CSMD1: variants seen among roughly 807,000 people sequenced by gnomAD.
CSMD1 encodes the protein CUB and sushi domain-containing protein 1.
Under a neutral mutation model 417.5 loss-of-function variants are expected in CSMD1, and 213 were observed. That is an observed-to-expected ratio of 0.51 (90% CI 0.46 to 0.57). The LOEUF is 0.57. CSMD1 is among the 20% of genes least tolerant of loss of function. The pLI is 0.00. For missense variants in CSMD1, 6,923 were observed against 4,529.7 expected (o/e 1.53, Z -15.17); for synonymous variants, 2,862 against 1,736.8 (o/e 1.65, Z -16.11).
At chr8:4,103,298 G>A (rs935558436) in intron 3 of CSMD1, among the ~76,000 whole-genome samples, 10 of 151,170 alleles carry the variant, frequency 6.6e-5, no homozygotes, top group Non-Finnish European at 2.9e-5. Flanking sequence ...TGACGTGTGT[G>A]TGCATATACA....
chr8:4,914,836 G>C (rs901491815), intron 1 of CSMD1, among the ~76,000 whole-genome samples: 2 of 152,142 alleles, frequency 1.3e-5, no homozygotes, highest in African/African-American at 2.4e-5. Flanking sequence ...GGACATCAGG[G>C]AGTTTCACCT....
At chr8:4,942,430 T>A (rs1354178193) in intron 1 of CSMD1, among the ~76,000 whole-genome samples, 1 of 152,218 alleles carries the variant, frequency 6.6e-6, no homozygotes. Context: ...GTTATCTACA[T>A]CATGCCCAAC....
At chr8:3,023,531 C>T (rs28683155) in intron 51 of CSMD1, among the ~76,000 whole-genome samples, 3,580 of 152,206 alleles carry the variant, frequency 0.024, 144 homozygotes, top group African/African-American at 0.083. Flanking sequence ...AAGGACAGGA[C>T]TGCAGAGCTC....
intron 42 of CSMD1, among the ~76,000 whole-genome samples, chr8:3,114,092 T>C (rs558837172): frequency 5.5e-4 from 83 of 151,564 alleles, no homozygotes; most frequent in Admixed American, 1.2e-3. Flanking sequence ...CAAAAAACAT[T>C]AATTATCCAT....
At chr8:3,764,309 G>A (rs751311976) in intron 5 of CSMD1, among the ~76,000 whole-genome samples, 10 of 152,238 alleles carry the variant, frequency 6.6e-5, no homozygotes, top group Non-Finnish European at 1.3e-4. Context: ...TGTGCTGTAG[G>A]GAAACTCTCC....
At chr8:3,715,431 TC>T (rs1361754694) in intron 6 of CSMD1, among the ~76,000 whole-genome samples, 18 of 152,142 alleles carry the variant, frequency 1.2e-4, no homozygotes, top group African/African-American at 3.4e-4. Context: ...CCGTCATTTT[TC>T]TCCTCTTCTG....
chr8:3,962,607 G>C (rs1490797507), intron 5 of CSMD1, among the ~76,000 whole-genome samples: 2 of 152,118 alleles, frequency 1.3e-5, no homozygotes, highest in Non-Finnish European at 2.9e-5. Flanking sequence ...GAAGAGGAAA[G>C]GAGAGGATCA....
chr8:3,372,714 C>G (rs1230726392), intron 18 of CSMD1, among the ~76,000 whole-genome samples: 1 of 152,040 alleles, frequency 6.6e-6, no homozygotes. Context: ...CTTTGGATAC[C>G]AAAGCTCCAA....
intron 3 of CSMD1, among the ~76,000 whole-genome samples, chr8:4,164,423 G>A (rs543580002): frequency 1.3e-5 from 2 of 152,026 alleles, no homozygotes; most frequent in South Asian, 4.1e-4. Flanking sequence ...ATCCTTGAGG[G>A]TTGCAGGTGA....
chr8:4,766,418 T>C (rs1812469937), intron 1 of CSMD1, among the ~76,000 whole-genome samples: 1 of 152,092 alleles, frequency 6.6e-6, no homozygotes, highest in African/African-American at 2.4e-5. Context: ...GAGACAGAGT[T>C]CTCCTTCGAT....
intron 5 of CSMD1, among the ~76,000 whole-genome samples, chr8:3,855,346 T>A (rs1344840135): frequency 6.6e-6 from 1 of 152,106 alleles, no homozygotes; most frequent in South Asian, 2.1e-4. Flanking sequence ...GGAAATACAC[T>A]CACATCCTAA....
chr8:2,977,218 C>G (rs1805001700), intron 55 of CSMD1, among the ~76,000 whole-genome samples: 2 of 152,058 alleles, frequency 1.3e-5, no homozygotes, highest in African/African-American at 4.8e-5. Context: ...CACCTAGGTA[C>G]CAAGCCCCAT....
chr8:3,668,709 A>T (rs1798831742), intron 7 of CSMD1, among the ~76,000 whole-genome samples: 1 of 152,116 alleles, frequency 6.6e-6, no homozygotes, highest in Non-Finnish European at 1.5e-5. Flanking sequence ...AGACACAGAG[A>T]TGGATGAGTT....
chr8:3,339,854 C>T lies in CSMD1; in HGVS notation c.3631+3440G>A, dbSNP rs980077654. ...TATGGGTTATGGCTCCATTGGACAT[C>T]ATTATACACCAGAAGCATATTATCT... On this transcript the variant is annotated intron_variant, in intron 23 of 69. Coordinates refer to ENST00000635120, the MANE Select transcript of CSMD1 (RefSeq NM_033225.6). Among the ~76,000 whole-genome samples the T allele has an allele frequency of 1.1e-4, 16 of 152,162 alleles. No homozygotes were observed. The South Asian group carries it at 3.3e-3, about 32-fold the overall frequency.
intron 7 of CSMD1, among the ~76,000 whole-genome samples, chr8:3,661,138 C>T (rs939414760): frequency 6.6e-6 from 1 of 152,156 alleles, no homozygotes; most frequent in Admixed American, 6.5e-5. Context: ...CTGAGGAGAA[C>T]TCCGTACTTT....
intron 1 of CSMD1, among the ~76,000 whole-genome samples, chr8:4,792,242 A>T (rs1797731278): frequency 6.6e-6 from 1 of 152,210 alleles, no homozygotes; most frequent in Non-Finnish European, 1.5e-5. Context: ...AGAACTGAAA[A>T]ATAACAGTGA....
In CSMD1 at chr8:3,682,061, A is replaced by C. The variant is rs1036388660; in HGVS notation, c.1009+26353T>G. On this transcript the variant is annotated intron_variant, in intron 7 of 69. Transcript: ENST00000635120. Reference sequence around the variant, plus strand: ...TAATTCAAGATGGATTAAAGACTTAAATGTTAGACCTAAAATCGTAAAAAC... The same window carrying C: ...TAATTCAAGATGGATTAAAGACTTACATGTTAGACCTAAAATCGTAAAAAC... Among the ~76,000 whole-genome samples the C allele has an allele frequency of 3.2e-4, 48 of 152,198 alleles. 1 individual carries two copies. Among genetic ancestry groups the C allele is most frequent in the African/African-American group, 8.9e-4 (37 of 41,454 alleles).
intron 5 of CSMD1, among the ~76,000 whole-genome samples, chr8:3,853,698 G>A (rs1227540477): frequency 2.0e-5 from 3 of 151,788 alleles, no homozygotes; most frequent in African/African-American, 4.8e-5. Flanking sequence ...AGTTGGATAA[G>A]CCTCAGTAAA....
At chr8:3,407,245 A>G (rs1812402744) in intron 14 of CSMD1, among the ~76,000 whole-genome samples, 1 of 151,422 alleles carries the variant, frequency 6.6e-6, no homozygotes, top group Non-Finnish European at 1.5e-5. Flanking sequence ...GATGGAAGGG[A>G]AGGATGAATG....
Sources: gnomAD v4.1 joint callset for allele counts (sites outside exome capture counted in the v4.1 genomes callset) on GRCh38, gnomAD v4.1.1 for gene constraint, MANE v1.5 for transcripts, NCBI Gene and HGNC (gene_info 2026-07-23, HGNC 2026-07-21) for gene names.